KSR1: variants seen among roughly 807,000 people sequenced by gnomAD.
The protein encoded by KSR1 is kinase suppressor of ras.
KSR1 carries 35 observed loss-of-function variants against 92.9 expected under a neutral mutation model. That is an observed-to-expected ratio of 0.38 (90% confidence interval 0.29 to 0.50). KSR1 has a LOEUF of 0.50. KSR1 is among the 20% of genes least tolerant of loss of function. KSR1 has a pLI of 0.94. For synonymous variants in KSR1, 467 were observed against 472.6 expected (o/e 0.99, Z 0.15); for missense variants, 972 against 1,158.5 (o/e 0.84, Z 2.34).
rs73983442 is a variant in KSR1, at chr17:27,494,636, C to T, written c.231+37762C>T. Among the ~76,000 whole-genome samples, 18 of 152,268 alleles carry T rather than the reference C, an allele frequency of 1.2e-4. No individual in the cohort carries two copies. In the South Asian group the frequency reaches 3.3e-3, roughly 28 times the overall value. ...CGGGGACAAGTACGAACAGGTCTTTCGATTTACATTTAAAAGCAGTAGAGA... is the reference window on the plus strand; with the variant it reads ...CGGGGACAAGTACGAACAGGTCTTTTGATTTACATTTAAAAGCAGTAGAGA... On this transcript the variant is annotated intron_variant, in intron 1 of 20. Transcript: ENST00000644974.
chr17:27,538,086 T>A (rs565023211), intron 1 of KSR1, among the ~76,000 whole-genome samples: 29 of 152,226 alleles, frequency 1.9e-4, no homozygotes, highest in Admixed American at 1.1e-3. Context: ...CAAAGAAGAA[T>A]GAGGGATACC....
At chr17:27,569,154 A>G (rs184351468) in intron 2 of KSR1, among the ~76,000 whole-genome samples, 33 of 152,364 alleles carry the variant, frequency 2.2e-4, no homozygotes, top group Non-Finnish European at 2.6e-4. Context: ...AAATTTTACA[A>G]TCACGCATTT....
intron 1 of KSR1, among the ~76,000 whole-genome samples, chr17:27,523,936 G>A (rs893996315): frequency 2.6e-5 from 4 of 152,154 alleles, no homozygotes; most frequent in East Asian, 1.9e-4. Flanking sequence ...GGATGGAAAC[G>A]GGCCAGCTAA....
chr17:27,617,411 C>T lies in KSR1; in HGVS notation c.2610C>T (p.His870=). ...ACCGGCGGCTCTCCCACCCTGGACACTTCTGGAAGTCAGCTGAGTAAGTGC... is the reference window on the plus strand; with the variant it reads ...ACCGGCGGCTCTCCCACCCTGGACATTTCTGGAAGTCAGCTGAGTAAGTGC... ...KLNRRLSHPG[H]FWKSADRWRS... Residue 870 remains histidine (H), a synonymous_variant, in exon 19 of 21, where the codon CAC becomes CAT. Transcript: ENST00000644974. 1 of 1,609,778 alleles carries T rather than the reference C, an allele frequency of 6.2e-7. No individual in the cohort carries two copies.
At chr17:27,487,484 C>A (rs892839349) in intron 1 of KSR1, among the ~76,000 whole-genome samples, 1 of 151,610 alleles carries the variant, frequency 6.6e-6, no homozygotes, top group Non-Finnish European at 1.5e-5. Context: ...TGTGGTGACT[C>A]ACTCCTGTAA....
chr17:27,575,392 G>A (rs1177746122), intron 2 of KSR1, among the ~76,000 whole-genome samples: 5 of 152,170 alleles, frequency 3.3e-5, no homozygotes, highest in African/African-American at 1.2e-4. Flanking sequence ...TCATGGTGCC[G>A]GTGGGAGTGT....
intron 1 of KSR1, among the ~76,000 whole-genome samples, chr17:27,524,632 C>T (rs2070181221): frequency 6.6e-6 from 1 of 152,250 alleles, no homozygotes; most frequent in Middle Eastern, 3.4e-3. Context: ...AGATGCTGCC[C>T]CAGGAATTGG....
rs919009438 is a variant in KSR1 at position 27,625,221 on chromosome 17, T to C, written c.*1829T>C. The stretch of plus-strand genomic sequence containing the variant: ...GCAAGAGCAGGCCTGATGGATGTAC[T>C]GGTGAGCCCCACAGTTGGATGTCAG... On this transcript the variant is annotated 3_prime_UTR_variant, in exon 21 of 21. Transcript: ENST00000644974. The C allele has an allele frequency of 6.6e-6, 1 of 152,274 alleles. No homozygotes were observed. Among genetic ancestry groups the C allele is most frequent in the Non-Finnish European group, 1.5e-5 (1 of 68,072 alleles). 9.4% of individuals were successfully genotyped at this position (152,274 alleles called of 1,614,324 possible). A position where few individuals can be genotyped will look rare whatever the true frequency, so the allele number is the denominator to read the frequency against.
chr17:27,472,454 C>T lies in KSR1; in HGVS notation c.231+15580C>T, dbSNP rs1483705136. On this transcript the variant is annotated intron_variant, in intron 1 of 20. Transcript: ENST00000644974. ...TCTGATGTCATTGAATTAGGGGCCT[C>T]CTTTGACCAGGGTTAACCAGCACCT... is the stretch of plus-strand genomic sequence containing the variant. Among the ~76,000 whole-genome samples the T allele has an allele frequency of 8.5e-5, 13 of 152,176 alleles. 1 individual carries two copies. The highest frequency in any genetic ancestry group is 3.1e-4 in the African/African-American group (13 of 41,444).
intron 1 of KSR1, among the ~76,000 whole-genome samples, chr17:27,486,194 T>G (rs1310225166): frequency 1.4e-4 from 21 of 152,168 alleles, no homozygotes; most frequent in Non-Finnish European, 1.5e-5. Context: ...CTCTGAGCAT[T>G]TGTGATTCTT....
intron 1 of KSR1, among the ~76,000 whole-genome samples, chr17:27,501,337 G>A (rs1442216195): frequency 2.9e-5 from 3 of 103,204 alleles, no homozygotes; most frequent in Non-Finnish European, 5.3e-5. Context: ...TGCAGTGGCT[G>A]TGATCTTGGC....
At chr17:27,477,381 C>T (rs2068377695) in intron 1 of KSR1, among the ~76,000 whole-genome samples, 1 of 152,160 alleles carries the variant, frequency 6.6e-6, no homozygotes. Context: ...CCTCTAGCTG[C>T]CCTGGAAACA....
chr17:27,473,848 G>T (rs1157625115), intron 1 of KSR1, among the ~76,000 whole-genome samples: 2 of 152,062 alleles, frequency 1.3e-5, no homozygotes, highest in South Asian at 2.1e-4. Context: ...TGTGTGGTTG[G>T]CCTGGTGGCT....
intron 9 of KSR1, among the ~76,000 whole-genome samples, chr17:27,595,541 T>A: frequency 6.6e-6 from 1 of 152,120 alleles, no homozygotes; most frequent in East Asian, 1.9e-4. Flanking sequence ...GGCTGAGAAT[T>A]CCAGTCTGTC....
At chr17:27,525,871 T>G (rs2151029581) in intron 1 of KSR1, among the ~76,000 whole-genome samples, 1 of 152,326 alleles carries the variant, frequency 6.6e-6, no homozygotes, top group East Asian at 1.9e-4. Context: ...AACATCAAAC[T>G]GGAGAAATAC....
intron 1 of KSR1, among the ~76,000 whole-genome samples, chr17:27,498,266 G>A (rs2069058368): frequency 1.3e-5 from 2 of 151,162 alleles, no homozygotes; most frequent in African/African-American, 4.9e-5. Context: ...GGAGGCAGAG[G>A]GGCGGAGGGT....
chr17:27,585,763 C>G, intron 5 of KSR1, 102 bp downstream of exon 5: 1 of 718,760 alleles, frequency 1.4e-6, no homozygotes, highest in South Asian at 1.5e-5. Flanking sequence ...TTAGCCCGTT[C>G]AGCCTCTCCA....
intron 16 of KSR1, chr17:27,609,761 G>A (rs2073863593): frequency 5.6e-6 from 2 of 358,780 alleles, no homozygotes; most frequent in South Asian, 3.9e-5. Flanking sequence ...GGCAGATCAG[G>A]GTTCCTGGTT....
chr17:27,527,041 C>T (rs755254231), intron 1 of KSR1: 6 of 464,200 alleles, frequency 1.3e-5, no homozygotes, highest in South Asian at 4.8e-5. Context: ...AGGGACAGCT[C>T]GGCTGAGAGT....
Sources: allele counts gnomAD v4.1 joint callset (sites outside exome capture counted in the v4.1 genomes callset), GRCh38; gene constraint gnomAD v4.1.1; transcripts MANE v1.5; gene names NCBI Gene and HGNC (gene_info 2026-07-23, HGNC 2026-07-21).